The following LZTR1 variants were observed in gnomAD, a reference collection of about 807,000 sequenced individuals.
LZTR1 encodes leucine-zipper-like transcriptional regulator 1.
A neutral mutation model predicts 105.7 loss-of-function variants in LZTR1; 260 were observed. The ratio of observed to expected loss-of-function variants is 2.46; its 90% CI spans 2.22 to 2.72. The LOEUF is 2.72. Among genes scored for constraint, LZTR1 ranks in the 30% most tolerant of loss-of-function variants. LZTR1 has a pLI of 0.00. For missense variants in LZTR1, 1,214 were observed against 1,166.9 expected, an observed-to-expected ratio of 1.04 and a Z score of -0.59; for synonymous variants, 490 against 476.4, an observed-to-expected ratio of 1.03 and a Z score of -0.37.
At position 20,994,440 on chromosome 22, in the gene LZTR1, C is replaced by T. The variant is rs923707539; in HGVS notation, c.1616-118C>T. ...GCAGCTGGACGCCATCTGAGTCCCC[C>T]GAGGCCTTGTTCCTACCTAGTGGCC... is the stretch of plus-strand genomic sequence containing the variant. On this transcript the variant is annotated intron_variant, in intron 14 of 20. Coordinates refer to ENST00000646124, the MANE Select transcript of LZTR1 (RefSeq NM_006767.4). 255 of 1,296,982 alleles carry T rather than the reference C, an allele frequency of 2.0e-4. 1 individual carries two copies. The Admixed American group carries it at 3.0e-3, about 15-fold the overall frequency. The allele number at this position is 1,296,982 out of a possible 1,614,324, so 80.3% of individuals were successfully genotyped here. A position where few individuals can be genotyped will look rare whatever the true frequency, so the allele number is the denominator to read the frequency against.
chr22:20,991,769 G>A lies in LZTR1; in HGVS notation c.933G>A (p.Leu311=). 1 of 1,556,676 alleles carries A rather than the reference G, an allele frequency of 6.4e-7. No homozygotes were observed. Among genetic ancestry groups the A allele is most frequent in the Middle Eastern group, 1.7e-4 (1 of 5,980 alleles). Residue 311 remains leucine, a synonymous_variant, in exon 9 of 21, where the codon CTG becomes CTA. Transcript: ENST00000646124. ...GAADNTLPNE[L]HCYDVDFQTW... ...CCGACAACACGCTGCCCAACGAGCTGCACTGCTATGACGTGGACTTCCAGA... is the reference window on the plus strand; with the variant it reads ...CCGACAACACGCTGCCCAACGAGCTACACTGCTATGACGTGGACTTCCAGA...
Position 20,983,047 on chromosome 22 carries a change from T to A in LZTR1, c.221T>A (p.Val74Glu). 1 of 1,614,158 alleles carries A rather than the reference T, an allele frequency of 6.2e-7. No homozygotes were observed. Among genetic ancestry groups the A allele is most frequent in the African/African-American group, 1.3e-5 (1 of 75,050 alleles). The change falls in exon 2 of 21, where the codon GTG becomes GAG. Residue 74 changes from valine to glutamate, a missense_variant. Transcript: ENST00000646124. ...VGARRSKHTV[V>E]AYKDAIYVFG... is the part of the protein sequence containing the mutation. The stretch of plus-strand genomic sequence containing the variant: ...TCCAGGCGCAGCAAGCACACAGTGG[T>A]GGCCTATAAAGATGCCATTTATGTA...
intron 17 of LZTR1, 41 bp from the exon 18 acceptor site, chr22:20,995,922 G>A (rs374271940): frequency 1.9e-5 from 31 of 1,613,190 alleles, no homozygotes; most frequent in Middle Eastern, 1.6e-4. Context: ...TGGTGTCTTC[G>A]TTCTGCTGAC....
Position 20,992,539 on chromosome 22 carries a change from T to G in LZTR1, c.1149+170T>G, listed in dbSNP as rs916891642. ...CACCCTGCTGGCCAGGCTGCAGCTTTCTGGGGTGGGTGCCACACACTGGCC... is the reference window on the plus strand; with the variant it reads ...CACCCTGCTGGCCAGGCTGCAGCTTGCTGGGGTGGGTGCCACACACTGGCC... On this transcript the variant is annotated intron_variant, in intron 10 of 20. Transcript: ENST00000646124. The G allele has an allele frequency of 3.7e-6, 3 of 809,916 alleles. No homozygotes were observed. In the African/African-American group the frequency reaches 5.2e-5, roughly 14 times the overall value. The allele number at this position is 809,916 out of a possible 1,614,324, so 50.2% of individuals were successfully genotyped here.
At position 20,982,472 on chromosome 22, in the gene LZTR1, G is replaced by T; in HGVS notation, c.101G>T (p.Cys34Phe). The T allele has an allele frequency of 1.2e-6, 2 of 1,610,178 alleles. No individual in the cohort carries two copies. Among genetic ancestry groups the T allele is most frequent in the East Asian group, 2.2e-5 (1 of 44,784 alleles). The change falls in exon 1 of 21, where the codon TGC (cysteine) becomes TTC (phenylalanine). Residue 34 changes from cysteine (C) to phenylalanine (F), a missense_variant. Physicochemically the swap from Cys to Phe is radical, Grantham distance 205. Coordinates refer to ENST00000646124, the MANE Select transcript of LZTR1 (RefSeq NM_006767.4). ...CCGAGCGTGGACTTCGACCATAGCT[G>T]CTCGGACAGTGTCGAGTACCTGACG... ...VAPSVDFDHS[C>F]SDSVEYLTLN...
chr22:20,988,755 G>A (rs1393051459), intron 5 of LZTR1, 34 bp from the exon 6 acceptor site: 2 of 1,556,208 alleles, frequency 1.3e-6, no homozygotes, highest in Non-Finnish European at 8.9e-7. Flanking sequence ...GTGCTGGGCG[G>A]CCTCACTCCC....
chr22:20,985,070 T>TC (rs1924332683), intron 2 of LZTR1, among the ~76,000 whole-genome samples: 1 of 149,118 alleles, frequency 6.7e-6, no homozygotes, highest in Non-Finnish European at 1.5e-5. Context: ...TTTTTTTTTT[T>TC]TTTTTTTTGA....
intron 3 of LZTR1, 181 bp downstream of exon 3, chr22:20,986,078 C>G (rs1924369924): frequency 1.6e-6 from 1 of 638,414 alleles, no homozygotes; most frequent in Non-Finnish European, 2.7e-6. Flanking sequence ...CTGAGGAGAT[C>G]AAGTAACCAC....
chr22:20,990,951 C>T (rs1007911122), intron 8 of LZTR1: 4 of 174,024 alleles, frequency 2.3e-5, no homozygotes, highest in South Asian at 1.3e-4. Flanking sequence ...GGAGAGGGCA[C>T]AAGGAGTGTG....
At chr22:20,985,962 C>G (rs1924367325) in intron 3 of LZTR1, 65 bp downstream of exon 3, 1 of 1,508,674 alleles carries the variant, frequency 6.6e-7, no homozygotes, top group Non-Finnish European at 9.2e-7. Context: ...AGTGCTGGGT[C>G]CCAGTTGCTA....
At chr22:20,992,563 C>G in intron 10 of LZTR1, 194 bp downstream of exon 10, 1 of 692,868 alleles carries the variant, frequency 1.4e-6, no homozygotes, top group Non-Finnish European at 2.4e-6. Context: ...CACACACTGG[C>G]CCAAGTGCCC....
chr22:20,997,350 G>A lies in LZTR1; in HGVS notation c.*2G>A, dbSNP rs368960786. On this transcript the variant is annotated 3_prime_UTR_variant, in exon 21 of 21. Coordinates refer to ENST00000646124, the MANE Select transcript of LZTR1 (RefSeq NM_006767.4). ...GCAGAGCTGGGCGCCGACATCTGAG[G>A]CCCTGTGGCGCCTGCCCATTGTGAA... The A allele has an allele frequency of 1.1e-5, 18 of 1,598,648 alleles. No homozygotes were observed. Among genetic ancestry groups the A allele is most frequent in the Non-Finnish European group, 1.5e-5 (17 of 1,166,652 alleles).
Position 20,991,842 on chromosome 22 carries a change from A to G in LZTR1, c.993+13A>G. ...CTCCGACAGCGAGGTGAGGGTGCCC[A>G]GGGGTGTCCTGACCTGCCAGCTGGA... On this transcript the variant is annotated intron_variant, in intron 9 of 20. Coordinates refer to ENST00000646124, the MANE Select transcript of LZTR1 (RefSeq NM_006767.4). The G allele has an allele frequency of 6.5e-7, 1 of 1,544,570 alleles. No individual in the cohort carries two copies. The highest frequency in any genetic ancestry group is 8.7e-7 in the Non-Finnish European group (1 of 1,143,764).
chr22:20,987,135 T>A (rs562988534), intron 3 of LZTR1: 1 of 177,820 alleles, frequency 5.6e-6, no homozygotes, highest in South Asian at 1.9e-4. Flanking sequence ...GGCTCACGCC[T>A]GTAATCCCAG....
chr22:20,993,325 G>A (rs1001386557), intron 11 of LZTR1: 22 of 472,508 alleles, frequency 4.7e-5, no homozygotes, highest in Admixed American at 2.1e-4. Context: ...AGGAGGTTGG[G>A]ATGTGCTGGT....
chr22:20,982,634 G>T (rs542960279), intron 1 of LZTR1, 63 bp downstream of exon 1: 1 of 1,531,950 alleles, frequency 6.5e-7, no homozygotes, highest in Non-Finnish European at 8.9e-7. Context: ...CCCAGGGCGG[G>T]TCCAGGGGCG....
At chr22:20,984,779 C>T (rs1473884968) in intron 2 of LZTR1, among the ~76,000 whole-genome samples, 1 of 152,194 alleles carries the variant, frequency 6.6e-6, no homozygotes, top group Non-Finnish European at 1.5e-5. Flanking sequence ...TCAGGGGGCA[C>T]CCAGCACAGG....
intron 11 of LZTR1, 84 bp from the exon 12 acceptor site, chr22:20,993,578 G>A: frequency 1.7e-6 from 2 of 1,156,640 alleles, no homozygotes; most frequent in Non-Finnish European, 1.3e-6. Flanking sequence ...TGGGCCAGGT[G>A]GGGACCTCAG....
In LZTR1 at chr22:20,991,717, G is replaced by T; in HGVS notation, c.881G>T (p.Arg294Leu). Residue 294 changes from arginine to leucine, a missense_variant, in exon 9 of 21, where the codon CGC becomes CTC. Coordinates refer to ENST00000646124, the MANE Select transcript of LZTR1 (RefSeq NM_006767.4). Reference protein sequence around the residue: ...RYGHTMVAFDRHLYVFGGAAD... With the variant: ...RYGHTMVAFDLHLYVFGGAAD... ...GGGCATACCATGGTGGCCTTTGACC[G>T]CCACCTCTATGTGTTTGGGGGTGCG... 6.3e-7 allele frequency: 1 copy of T among 1,588,364 alleles called. No individual in the cohort carries two copies. Among genetic ancestry groups the T allele is most frequent in the Non-Finnish European group, 8.6e-7 (1 of 1,167,950 alleles).
Sources: gnomAD v4.1 joint callset for allele counts (sites outside exome capture counted in the v4.1 genomes callset) on GRCh38, gnomAD v4.1.1 for gene constraint, MANE v1.5 for transcripts, NCBI Gene and HGNC (gene_info 2026-07-23, HGNC 2026-07-21) for gene names.